Variants in SYNGR4 observed in about 807,000 individuals in gnomAD.
SYNGR4 encodes synaptogyrin-4.
A neutral mutation model predicts 15.5 loss-of-function variants in SYNGR4; 15 were observed. The ratio of observed to expected loss-of-function variants is 0.97; its 90% CI spans 0.65 to 1.49. The LOEUF is 1.49. Among genes scored for constraint, SYNGR4 ranks in the 40% most tolerant of loss-of-function variants. SYNGR4 has a pLI of 0.00. For synonymous variants in SYNGR4, 121 were observed against 127.4 expected (o/e 0.95, Z 0.34); for missense variants, 292 against 299.3 (o/e 0.98, Z 0.18).
chr19:48,368,816 C>T (rs1424829337), intron 2 of SYNGR4, among the ~76,000 whole-genome samples: 3 of 152,178 alleles, frequency 2.0e-5, no homozygotes, highest in Non-Finnish European at 4.4e-5. Flanking sequence ...CCAGATCTTT[C>T]GCTGGTGTTA....
intron 2 of SYNGR4, among the ~76,000 whole-genome samples, chr19:48,370,177 C>T (rs907274748): frequency 3.3e-5 from 5 of 152,270 alleles, no homozygotes; most frequent in East Asian, 1.9e-4. Flanking sequence ...TCCAGTCTAG[C>T]GCTGGGTGCT....
chr19:48,365,469 G>T (rs1212000333), intron 1 of SYNGR4, among the ~76,000 whole-genome samples: 2 of 108,396 alleles, frequency 1.8e-5, no homozygotes, highest in African/African-American at 7.6e-5. Context: ...CCCACTCCTG[G>T]GGCCCACAGA....
At chr19:48,369,161 C>T (rs1970267403) in intron 2 of SYNGR4, among the ~76,000 whole-genome samples, 1 of 150,080 alleles carries the variant, frequency 6.7e-6, no homozygotes. Context: ...TGGCCTGGCT[C>T]CTCAGTAGGG....
intron 2 of SYNGR4, among the ~76,000 whole-genome samples, chr19:48,370,581 A>T (rs1191180303): frequency 6.6e-6 from 1 of 152,092 alleles, no homozygotes; most frequent in Non-Finnish European, 1.5e-5. Context: ...CTCTTTTGAG[A>T]CAGGGTCTCA....
At position 48,373,598 on chromosome 19, in the gene SYNGR4, C is replaced by T. The variant is rs140174150; in HGVS notation, c.175C>T (p.Leu59Phe). ...GGAGTCTCCGCAGCTCCACTGCATT[C>T]TCAACAGCAACAGCGTGGCCTGCAG... ...KMESPQLHCI[L>F]NSNSVACSFA... The change falls in exon 3 of 5, where the codon CTC (leucine) becomes TTC (phenylalanine). Residue 59 changes from leucine (L) to phenylalanine (F), a missense_variant. Transcript: ENST00000344846. 2.4e-5 allele frequency: 38 copies of T among 1,613,788 alleles called. No homozygotes were observed. Among genetic ancestry groups the T allele is most frequent in the Middle Eastern group, 3.3e-4 (2 of 6,084 alleles).
chr19:48,366,406 AAAAAG>A (rs969810177), intron 2 of SYNGR4, among the ~76,000 whole-genome samples: 4 of 151,762 alleles, frequency 2.6e-5, no homozygotes, highest in African/African-American at 9.7e-5. Context: ...AAAAAAAAGA[AAAAAG>A]AAAAGAAAGA....
At chr19:48,370,974 C>G (rs1420565100) in intron 2 of SYNGR4, among the ~76,000 whole-genome samples, 1 of 152,188 alleles carries the variant, frequency 6.6e-6, no homozygotes, top group Non-Finnish European at 1.5e-5. Flanking sequence ...TCTCTAACCC[C>G]AAGGCTGACC....
In SYNGR4 at chr19:48,374,990, C is replaced by A. The variant is rs367581906; in HGVS notation, c.332-623C>A. Among the ~76,000 whole-genome samples, 665 of 148,084 alleles carry A rather than the reference C, an allele frequency of 4.5e-3. 5 individuals carry two copies. The highest frequency in any genetic ancestry group is 0.016 in the African/African-American group (627 of 40,318). On this transcript the variant is annotated intron_variant, in intron 3 of 4. Coordinates refer to ENST00000344846, the MANE Select transcript of SYNGR4 (RefSeq NM_012451.4). ...GACTCTGTCTCAATAACAACAACAA[C>A]AAAAAAAGAAATGTGGCCAGTGCAG...
chr19:48,371,967 C>T (rs1052893403), intron 2 of SYNGR4, among the ~76,000 whole-genome samples: 5 of 134,224 alleles, frequency 3.7e-5, no homozygotes, highest in Non-Finnish European at 7.4e-5. Flanking sequence ...GCAGCCTCAA[C>T]CTCCTGGGCT....
chr19:48,368,301 T>G (rs1437790450), intron 2 of SYNGR4, among the ~76,000 whole-genome samples: 2 of 152,184 alleles, frequency 1.3e-5, no homozygotes, highest in Non-Finnish European at 2.9e-5. Context: ...GAAGAATCAT[T>G]GTGAAAATGT....
rs1213678078 is a variant in SYNGR4 at position 48,374,101 on chromosome 19, T to TG, written c.331+349dup. On this transcript the variant is annotated intron_variant, in intron 3 of 4. Transcript: ENST00000344846. ...CTTTTTTTTTTTTTTTTTTTTGAGATGGAGTCTCACTCTGTCGCCAGGCTG... is the reference window on the plus strand; with the variant it reads ...CTTTTTTTTTTTTTTTTTTTTGAGATGGGAGTCTCACTCTGTCGCCAGGCTG... 2.1e-5 allele frequency among the ~76,000 whole-genome samples: 3 copies of TG among 144,434 alleles called. No individual in the cohort carries two copies. The East Asian group carries it at 6.0e-4, about 29-fold the overall frequency. 94.8% of individuals were successfully genotyped at this position (144,434 alleles called of 152,430 possible). A position where few individuals can be genotyped will look rare whatever the true frequency, so the allele number is the denominator to read the frequency against.
At chr19:48,371,056 C>T (rs943143184) in intron 2 of SYNGR4, among the ~76,000 whole-genome samples, 15 of 152,308 alleles carry the variant, frequency 9.8e-5, no homozygotes, top group Middle Eastern at 3.4e-3. Context: ...AAGTCCGGCT[C>T]CTGGCCCTGG....
intron 2 of SYNGR4, chr19:48,373,300 G>A: frequency 5.3e-6 from 3 of 570,722 alleles, no homozygotes; most frequent in Non-Finnish European, 9.5e-6. Context: ...GGAGGCTGGG[G>A]CAAGGGCCAA....
At chr19:48,369,423 G>T (rs913233620) in intron 2 of SYNGR4, among the ~76,000 whole-genome samples, 3 of 152,194 alleles carry the variant, frequency 2.0e-5, no homozygotes, top group Non-Finnish European at 2.9e-5. Flanking sequence ...CTAGATGTCA[G>T]GAGGGCTAGA....
chr19:48,367,758 C>T (rs369587519), intron 2 of SYNGR4, among the ~76,000 whole-genome samples: 41 of 152,206 alleles, frequency 2.7e-4, no homozygotes, highest in African/African-American at 9.2e-4. Flanking sequence ...GGAGTCAAAT[C>T]CTCATTCAGC....
Position 48,376,278 on chromosome 19 carries a change from C to T in SYNGR4, c.665C>T (p.Ala222Val), listed in dbSNP as rs774600127. ...ASSALSPCLTAPKSPRLAMMP... is the reference protein window; with the variant it reads ...ASSALSPCLTVPKSPRLAMMP... ...TCTGCCCTGTCCCCCTGTCTGACCGCTCCAAAGTCCCCCCGGCTTGCTATG... is the reference window on the plus strand; with the variant it reads ...TCTGCCCTGTCCCCCTGTCTGACCGTTCCAAAGTCCCCCCGGCTTGCTATG... The change falls in exon 5 of 5, where the codon GCT becomes GTT. Residue 222 changes from alanine to valine, a missense_variant. By Grantham distance (64) the Ala-to-Val change is moderately conservative (BLOSUM62 0). Coordinates refer to ENST00000344846, the MANE Select transcript of SYNGR4 (RefSeq NM_012451.4). 3 of 1,613,180 alleles carry T rather than the reference C, an allele frequency of 1.9e-6. No homozygotes were observed. Among genetic ancestry groups the T allele is most frequent in the East Asian group, 4.5e-5 (2 of 44,858 alleles).
chr19:48,375,868 G>T (rs912048728), intron 4 of SYNGR4, 116 bp downstream of exon 4: 9 of 1,525,108 alleles, frequency 5.9e-6, no homozygotes, highest in Admixed American at 2.2e-5. Context: ...AGGGGTCGGG[G>T]GTTCCCCCAG....
chr19:48,367,982 C>G (rs76854416), intron 2 of SYNGR4, among the ~76,000 whole-genome samples: 13 of 152,306 alleles, frequency 8.5e-5, no homozygotes, highest in Admixed American at 3.9e-4. Flanking sequence ...GTCTCCACCC[C>G]CAGAGTGCTA....
At chr19:48,366,556 C>G (rs1970224633) in intron 2 of SYNGR4, among the ~76,000 whole-genome samples, 1 of 151,996 alleles carries the variant, frequency 6.6e-6, no homozygotes, top group African/African-American at 2.4e-5. Context: ...CAGGTGTGCG[C>G]CACTGCGCCT....
Sources: allele counts gnomAD v4.1 joint callset (sites outside exome capture counted in the v4.1 genomes callset), GRCh38; gene constraint gnomAD v4.1.1; transcripts MANE v1.5; gene names NCBI Gene and HGNC (gene_info 2026-07-23, HGNC 2026-07-21).